Variants in ATL2 observed in about 807,000 individuals in gnomAD.
The protein encoded by ATL2 is atlastin-2.
In ATL2, 31 loss-of-function variants were observed where a neutral mutation model predicts 73.9. The observed-to-expected ratio is 0.42, with a 90% CI of 0.32 to 0.57. The LOEUF (loss-of-function observed/expected upper bound fraction) is 0.57. Among genes scored for constraint, ATL2 ranks in the 20% least tolerant of loss-of-function variants. The pLI is 0.14. For synonymous variants in ATL2, 291 were observed against 237.5 expected (o/e 1.23, Z -2.07); for missense variants, 738 against 702.6 (o/e 1.05, Z -0.57).
intron 12 of ATL2, chr2:38,296,317 C>G: frequency 6.9e-7 from 1 of 1,445,822 alleles, no homozygotes; most frequent in Non-Finnish European, 9.0e-7. Context: ...CTTATTCAAA[C>G]CATTTACAAT....
At chr2:38,311,384 T>A (rs564235177) in intron 7 of ATL2, among the ~76,000 whole-genome samples, 7 of 152,148 alleles carry the variant, frequency 4.6e-5, no homozygotes, top group Non-Finnish European at 2.9e-5. Context: ...ACTCACACAG[T>A]CTCCTAAACA....
At chr2:38,314,794 C>A (rs961550930) in intron 5 of ATL2, 130 bp from the exon 6 acceptor site, 4 of 597,606 alleles carry the variant, frequency 6.7e-6, no homozygotes, top group Non-Finnish European at 1.2e-5. Context: ...ATTTAATTTT[C>A]TAACACACTA....
intron 1 of ATL2, among the ~76,000 whole-genome samples, chr2:38,352,606 C>A (rs1371818824): frequency 1.3e-5 from 2 of 152,178 alleles, no homozygotes; most frequent in South Asian, 2.1e-4. Context: ...GGGAACACAA[C>A]ACTATGCAAT....
intron 2 of ATL2, among the ~76,000 whole-genome samples, chr2:38,321,856 G>A (rs930651288): frequency 1.8e-4 from 27 of 152,148 alleles, no homozygotes; most frequent in African/African-American, 5.1e-4. Context: ...GGGACTGCAG[G>A]TGCACACCAC....
chr2:38,308,285 A>T (rs1324769506), intron 9 of ATL2, among the ~76,000 whole-genome samples: 1 of 152,202 alleles, frequency 6.6e-6, no homozygotes, highest in Non-Finnish European at 1.5e-5. Context: ...AAAGAATGAG[A>T]TCCTGTCATT....
At position 38,294,977 on chromosome 2, in the gene ATL2, A is replaced by T. The variant is rs1469269679; in HGVS notation, c.*1017T>A. The T allele has an allele frequency of 8.4e-6, 1 of 119,572 alleles. No homozygotes were observed. The highest frequency in any genetic ancestry group is 3.0e-4 in the East Asian group (1 of 3,386). 7.4% of individuals were successfully genotyped at this position (119,572 alleles called of 1,614,324 possible). On this transcript the variant is annotated 3_prime_UTR_variant, in exon 13 of 13. Transcript: ENST00000378954. Reference sequence around the variant, plus strand: ...AACAGAGGACAAAGTCACAATAAACATTCCCATTGAATTCCCTTGGTGGGC... The same window carrying T: ...AACAGAGGACAAAGTCACAATAAACTTTCCCATTGAATTCCCTTGGTGGGC...
At position 38,360,483 on chromosome 2, in the gene ATL2, T is replaced by C. The variant is rs1429632561; in HGVS notation, c.118+16660A>G. 2.0e-5 allele frequency among the ~76,000 whole-genome samples: 3 copies of C among 152,128 alleles called. No individual in the cohort carries two copies. In the East Asian group the frequency reaches 5.8e-4, roughly 29 times the overall value. Reference sequence around the variant, plus strand: ...TTTTTGTAGAGACCAGGTCTCACTATGTTGCCCAGGCTGGTCTCAAACTCC... The same window carrying C: ...TTTTTGTAGAGACCAGGTCTCACTACGTTGCCCAGGCTGGTCTCAAACTCC... On this transcript the variant is annotated intron_variant, in intron 1 of 12. Coordinates refer to ENST00000378954, the MANE Select transcript of ATL2 (RefSeq NM_001135673.4).
intron 10 of ATL2, among the ~76,000 whole-genome samples, chr2:38,300,054 T>TA (rs1667102391): frequency 6.6e-6 from 1 of 152,168 alleles, no homozygotes; most frequent in South Asian, 2.1e-4. Context: ...AGGACTCTTA[T>TA]TTCTGGTGGC....
intron 1 of ATL2, among the ~76,000 whole-genome samples, chr2:38,374,770 T>G (rs940254982): frequency 1.3e-5 from 2 of 152,318 alleles, no homozygotes; most frequent in Non-Finnish European, 2.9e-5. Context: ...TAATACCAAC[T>G]GTGGAAAAAG....
chr2:38,315,165 C>A, intron 5 of ATL2, 119 bp downstream of exon 5: 1 of 1,020,810 alleles, frequency 9.8e-7, no homozygotes, highest in Non-Finnish European at 1.3e-6. Context: ...GCAGGAGAAT[C>A]CCTTGAACTT....
Position 38,294,998 on chromosome 2 carries a change from T to TGGGGG in ATL2, c.*995_*996insCCCCC, listed in dbSNP as rs1425087409. 1 of 14,722 alleles carries TGGGGG rather than the reference T, an allele frequency of 6.8e-5. No homozygotes were observed. The highest frequency in any genetic ancestry group is 1.5e-4 in the Non-Finnish European group (1 of 6,514). The allele number at this position is 14,722 out of a possible 1,614,324, so 0.9% of individuals were successfully genotyped here. A position where few individuals can be genotyped will look rare whatever the true frequency, so the allele number is the denominator to read the frequency against. ...AAACATTCCCATTGAATTCCCTTGG[T>TGGGGG]GGGCGGGGGGGGGGTGAGATTGCAG... On this transcript the variant is annotated 3_prime_UTR_variant, in exon 13 of 13. Coordinates refer to ENST00000378954, the MANE Select transcript of ATL2 (RefSeq NM_001135673.4).
chr2:38,296,782 C>G, intron 12 of ATL2: 18 of 1,533,120 alleles, frequency 1.2e-5, no homozygotes, highest in Non-Finnish European at 1.5e-5. Context: ...AGCTGATTAC[C>G]TTACCTAAAC....
intron 1 of ATL2, chr2:38,376,327 T>C (rs1671964103): frequency 1.7e-6 from 2 of 1,162,034 alleles, no homozygotes; most frequent in Middle Eastern, 2.1e-4. Context: ...GGGGCGCTCC[T>C]GGTACACGTA....
Position 38,314,647 on chromosome 2 carries a change from TC to T in ATL2, c.671del (p.Gly224GlufsTer16). The stretch of plus-strand genomic sequence containing the variant: ...GGTAGATTTCTTCCATCGCAAGTCT[TC>T]CATACTCTGTAAATAACTATTAAAT... ...LQHLQLFTEY[G>X]RLAMEEIYQK... On this transcript the variant is annotated frameshift_variant, in exon 6 of 13. Coordinates refer to ENST00000378954, the MANE Select transcript of ATL2 (RefSeq NM_001135673.4). LOFTEE classifies it high-confidence loss of function. The T allele has an allele frequency of 1.9e-6, 3 of 1,596,926 alleles. No individual in the cohort carries two copies. The highest frequency in any genetic ancestry group is 2.6e-6 in the Non-Finnish European group (3 of 1,164,986).
At chr2:38,308,250 C>T (rs1045199584) in intron 9 of ATL2, among the ~76,000 whole-genome samples, 7 of 152,140 alleles carry the variant, frequency 4.6e-5, no homozygotes, top group Admixed American at 1.3e-4. Flanking sequence ...TACATATACA[C>T]GATGAAGTAC....
rs1159571114 is a variant in ATL2 at position 38,294,666 on chromosome 2, A to C, written c.*1328T>G. On this transcript the variant is annotated 3_prime_UTR_variant, in exon 13 of 13. Transcript: ENST00000378954. ...AAAAAAAAAAAAAGAGAGAGAAAGAAATTAACAATCCCCATCTACAACTAG... is the reference window on the plus strand; with the variant it reads ...AAAAAAAAAAAAAGAGAGAGAAAGACATTAACAATCCCCATCTACAACTAG... Among the ~76,000 whole-genome samples, 1 of 152,104 alleles carries C rather than the reference A, an allele frequency of 6.6e-6. No homozygotes were observed. The highest frequency in any genetic ancestry group is 1.5e-5 in the Non-Finnish European group (1 of 68,002).
chr2:38,378,270 G>C (rs1211459825), upstream of ATL2, among the ~76,000 whole-genome samples: 1 of 152,190 alleles, frequency 6.6e-6, no homozygotes, highest in Non-Finnish European at 1.5e-5. Context: ...CTCTAGAAAA[G>C]CACTGGTGTT....
intron 2 of ATL2, among the ~76,000 whole-genome samples, chr2:38,328,572 T>C (rs2148456784): frequency 6.6e-6 from 1 of 152,164 alleles, no homozygotes; most frequent in South Asian, 2.1e-4. Flanking sequence ...ACAACTCACC[T>C]CAAAATGACA....
At chr2:38,325,136 C>T (rs1310914997) in intron 2 of ATL2, among the ~76,000 whole-genome samples, 1 of 152,218 alleles carries the variant, frequency 6.6e-6, no homozygotes, top group Non-Finnish European at 1.5e-5. Flanking sequence ...TGAGATTTGA[C>T]TTTAGAGTCT....
Sources: allele counts gnomAD v4.1 joint callset (sites outside exome capture counted in the v4.1 genomes callset), GRCh38; gene constraint gnomAD v4.1.1; transcripts MANE v1.5; gene names NCBI Gene and HGNC (gene_info 2026-07-23, HGNC 2026-07-21).